KIFBP: variants seen among roughly 807,000 people sequenced by gnomAD.
KIFBP encodes the protein KIF-binding protein.
Under a neutral mutation model 58.9 loss-of-function variants are expected in KIFBP, and 46 were observed. The observed-to-expected ratio is 0.78, with a 90% CI of 0.62 to 1.00. KIFBP has a LOEUF of 1.00. Ranked by LOEUF, KIFBP falls within the 50% of genes least tolerant of loss-of-function variation. The probability of loss-of-function intolerance (pLI) is 0.00; values close to 1 mark genes in which losing one functional copy is unlikely to be tolerated. For synonymous variants in KIFBP, 241 were observed against 283.4 expected (o/e 0.85, Z 1.50); for missense variants, 651 against 752.9 (o/e 0.86, Z 1.58).
chr10:68,991,490 C>A, intron 1 of KIFBP: 1 of 399,704 alleles, frequency 2.5e-6, no homozygotes, highest in Non-Finnish European at 5.2e-6. Flanking sequence ...TGTCTCCGAA[C>A]TAAGAAATGA....
At chr10:69,005,202 T>C (rs1266063872) in intron 3 of KIFBP, 77 bp downstream of exon 3, 12 of 1,069,092 alleles carry the variant, frequency 1.1e-5, no homozygotes, top group Admixed American at 7.2e-5. Flanking sequence ...AAGTCACTTA[T>C]AAAGGTTATA....
rs1211667916 is a variant in KIFBP at position 69,008,377 on chromosome 10, TA to T, written c.790-449del. Reference sequence around the variant, plus strand: ...GGGCCAGAGTGAGACCCCTGTCTCGTAAAAAAAAAAAAAAATATATATATAT... The same window carrying T: ...GGGCCAGAGTGAGACCCCTGTCTCGTAAAAAAAAAAAAAATATATATATAT... On this transcript the variant is annotated intron_variant, in intron 4 of 6. Transcript: ENST00000361983. Among the ~76,000 whole-genome samples, 293 of 75,418 alleles carry T rather than the reference TA, an allele frequency of 3.9e-3. 13 individuals are homozygous for T. The highest frequency in any genetic ancestry group is 0.021 in the African/African-American group (251 of 12,006). 49.5% of individuals were successfully genotyped at this position (75,418 alleles called of 152,430 possible).
At chr10:69,007,063 A>C (rs1843544009) in intron 4 of KIFBP, 1 of 152,168 alleles carries the variant, frequency 6.6e-6, no homozygotes, top group South Asian at 2.1e-4. Context: ...GAGGCCCCTT[A>C]TTCATTCTGT....
intron 1 of KIFBP, among the ~76,000 whole-genome samples, chr10:68,994,697 A>G (rs1843386230): frequency 6.6e-6 from 1 of 152,152 alleles, no homozygotes; most frequent in African/African-American, 2.4e-5. Context: ...ATTGAGTTGC[A>G]ATTGGCATAT....
At chr10:68,999,646 A>G (rs1294418548) in intron 1 of KIFBP, 1 of 152,122 alleles carries the variant, frequency 6.6e-6, no homozygotes, top group Non-Finnish European at 1.5e-5. Context: ...AGTTCCTCAC[A>G]GGCTTTTTGA....
At chr10:69,006,493 C>T (rs1843538000) in intron 4 of KIFBP, among the ~76,000 whole-genome samples, 1 of 152,084 alleles carries the variant, frequency 6.6e-6, no homozygotes, top group Non-Finnish European at 1.5e-5. Flanking sequence ...CAGAATTTCT[C>T]ATAAAAATTT....
chr10:69,011,853 G>T (rs1843597839), intron 6 of KIFBP, among the ~76,000 whole-genome samples: 1 of 151,236 alleles, frequency 6.6e-6, no homozygotes, highest in African/African-American at 2.4e-5. Context: ...ACCATGCCTG[G>T]CTAATTTTTG....
chr10:68,996,890 G>T lies in KIFBP; in HGVS notation c.427-3534G>T, dbSNP rs147060777. 9.2e-5 allele frequency among the ~76,000 whole-genome samples: 14 copies of T among 151,784 alleles called. No homozygotes were observed. In the East Asian group the frequency reaches 2.7e-3, roughly 29 times the overall value. ...AAAATAAAAAATATTTTGGCCAGGCGCAGTGGCTCATGCCTGTAATCCCAA... is the reference window on the plus strand; with the variant it reads ...AAAATAAAAAATATTTTGGCCAGGCTCAGTGGCTCATGCCTGTAATCCCAA... On this transcript the variant is annotated intron_variant, in intron 1 of 6. Coordinates refer to ENST00000361983, the MANE Select transcript of KIFBP (RefSeq NM_015634.4).
chr10:69,003,633 T>A (rs1843496084), intron 2 of KIFBP, among the ~76,000 whole-genome samples: 1 of 152,206 alleles, frequency 6.6e-6, no homozygotes, highest in South Asian at 2.1e-4. Context: ...TAGATACTGT[T>A]ATTACCCTTA....
chr10:69,008,008 T>C (rs1843552094), intron 4 of KIFBP, among the ~76,000 whole-genome samples: 1 of 152,174 alleles, frequency 6.6e-6, no homozygotes, highest in Non-Finnish European at 1.5e-5. Flanking sequence ...TAAAACTTGG[T>C]GGGAAGCCTT....
rs2429021 is a variant in KIFBP at position 69,015,380 on chromosome 10, G to A, written c.991-161G>A. The A allele has an allele frequency of 4.4e-3, 2,672 of 607,858 alleles. 76 individuals carry two copies. In the African/African-American group the frequency reaches 0.044, roughly 10 times the overall value. 37.7% of individuals were successfully genotyped at this position (607,858 alleles called of 1,614,324 possible). ...GAGTTTTTAATATAATCGGAAGAAA[G>A]AAAGAAGTTTTCAAAGGTGTTTAAG... On this transcript the variant is annotated intron_variant, in intron 6 of 6. Coordinates refer to ENST00000361983, the MANE Select transcript of KIFBP (RefSeq NM_015634.4).
In KIFBP at chr10:69,000,525, A is replaced by ATG; in HGVS notation, c.525+5_525+6dup. ...TATATAATCAGTATATGAAAGAGGTATGTTACATGTCAGATGAGTTTTAAG... is the reference window on the plus strand; with the variant it reads ...TATATAATCAGTATATGAAAGAGGTATGTGTTACATGTCAGATGAGTTTTAAG... On this transcript the variant is annotated splice_donor_region_variant and intron_variant, in intron 2 of 6. Transcript: ENST00000361983. The ATG allele has an allele frequency of 6.5e-7, 1 of 1,531,606 alleles. No homozygotes were observed. The highest frequency in any genetic ancestry group is 9.0e-7 in the Non-Finnish European group (1 of 1,105,314). The allele number at this position is 1,531,606 out of a possible 1,614,324, so 94.9% of individuals were successfully genotyped here.
chr10:69,014,946 G>A (rs939368029), intron 6 of KIFBP, among the ~76,000 whole-genome samples: 9 of 152,112 alleles, frequency 5.9e-5, no homozygotes, highest in African/African-American at 2.2e-4. Context: ...TTCTTGAGAT[G>A]GAGTCTTGCA....
chr10:68,994,456 T>C (rs1393992632), intron 1 of KIFBP, among the ~76,000 whole-genome samples: 1 of 152,228 alleles, frequency 6.6e-6, no homozygotes, highest in East Asian at 1.9e-4. Flanking sequence ...TCAAAAGAGA[T>C]TGATATTACA....
At chr10:69,005,385 C>T (rs1024522628) in intron 3 of KIFBP, among the ~76,000 whole-genome samples, 7 of 152,062 alleles carry the variant, frequency 4.6e-5, no homozygotes, top group African/African-American at 1.2e-4. Context: ...ACTTATAAAA[C>T]GTAAACCATG....
intron 3 of KIFBP, among the ~76,000 whole-genome samples, chr10:69,005,422 A>G (rs920865199): frequency 1.3e-5 from 2 of 152,196 alleles, no homozygotes; most frequent in Non-Finnish European, 2.9e-5. Context: ...TTACACCTGT[A>G]ATCCCAGCAC....
chr10:69,005,282 G>C (rs1843520606), intron 3 of KIFBP, among the ~76,000 whole-genome samples, 157 bp downstream of exon 3: 1 of 152,188 alleles, frequency 6.6e-6, no homozygotes, highest in South Asian at 2.1e-4. Flanking sequence ...GTTCAAACCT[G>C]AGACTCAGTT....
In KIFBP at chr10:69,015,796, G is replaced by A. The variant is rs1285409321; in HGVS notation, c.1246G>A (p.Val416Ile). ...AKEFFQIDGY[V>I]TDHIEVVQDH... ...AGAGTTCTTTCAGATTGATGGTTAT[G>A]TCACTGACCATATTGAAGTTGTCCA... The change falls in exon 7 of 7, where the codon GTC becomes ATC. Residue 416 changes from valine (V) to isoleucine (I), a missense_variant. By Grantham distance (29) the Val-to-Ile change is conservative (BLOSUM62 3). Transcript: ENST00000361983. 6.2e-7 allele frequency: 1 copy of A among 1,614,170 alleles called. No homozygotes were observed. The highest frequency in any genetic ancestry group is 8.5e-7 in the Non-Finnish European group (1 of 1,180,038).
rs773630664 is a variant in KIFBP at position 69,016,280 on chromosome 10, A to G, written c.1730A>G (p.Lys577Arg). ...ENLATSLEHYKFIVDYCEKHP... is the reference protein window; with the variant it reads ...ENLATSLEHYRFIVDYCEKHP... Reference sequence around the variant, plus strand: ...TTGGCAACATCATTGGAACATTACAAATTTATTGTTGATTACTGTGAAAAG... The same window carrying G: ...TTGGCAACATCATTGGAACATTACAGATTTATTGTTGATTACTGTGAAAAG... Residue 577 changes from lysine to arginine, a missense_variant, in exon 7 of 7, where the codon AAA becomes AGA. Coordinates refer to ENST00000361983, the MANE Select transcript of KIFBP (RefSeq NM_015634.4). The G allele has an allele frequency of 6.2e-7, 1 of 1,602,164 alleles. No homozygotes were observed. Among genetic ancestry groups the G allele is most frequent in the East Asian group, 2.2e-5 (1 of 44,766 alleles).
Sources: gnomAD v4.1 joint callset for allele counts (sites outside exome capture counted in the v4.1 genomes callset) on GRCh38, gnomAD v4.1.1 for gene constraint, MANE v1.5 for transcripts, NCBI Gene and HGNC (gene_info 2026-07-23, HGNC 2026-07-21) for gene names.